Variants in DHX32 observed in about 807,000 individuals in gnomAD.
The protein encoded by DHX32 is DEAH-box helicase 32 (putative), also known as putative pre-mRNA-splicing factor ATP-dependent RNA helicase DHX32.
A neutral mutation model predicts 70.0 loss-of-function variants in DHX32; 51 were observed. The observed-to-expected ratio is 0.73, with a 90% CI of 0.58 to 0.92. The LOEUF is 0.92. DHX32 is among the 40% of genes least tolerant of loss of function. DHX32 has a pLI of 0.00. For synonymous variants in DHX32, 310 were observed against 315.3 expected (o/e 0.98, Z 0.18); for missense variants, 762 against 891.8 (o/e 0.85, Z 1.85).
Position 125,847,819 on chromosome 10 carries a change from G to A in DHX32, c.1351+4474C>T, listed in dbSNP as rs1191829012. On this transcript the variant is annotated intron_variant, in intron 6 of 10. Coordinates refer to ENST00000284690, the MANE Select transcript of DHX32 (RefSeq NM_018180.3). ...CAGGCATTAGATTCTCATAAGGAGC[G>A]GGCAGCCTAGATCCCTGGCATGTGC... Among the ~76,000 whole-genome samples the A allele has an allele frequency of 2.0e-5, 3 of 152,000 alleles. 1 individual carries two copies. The highest frequency in any genetic ancestry group is 7.3e-5 in the African/African-American group (3 of 41,358).
At chr10:125,893,749 G>T (rs1447831507) in intron 1 of DHX32, among the ~76,000 whole-genome samples, 2 of 152,218 alleles carry the variant, frequency 1.3e-5, no homozygotes, top group African/African-American at 4.8e-5. Flanking sequence ...CTCTGGTAAA[G>T]AAAACAAAAA....
chr10:125,860,743 A>G (rs994192809), intron 2 of DHX32, among the ~76,000 whole-genome samples: 1 of 144,030 alleles, frequency 6.9e-6, no homozygotes, highest in Non-Finnish European at 1.5e-5. Flanking sequence ...GCTTGAAGAA[A>G]CCAATCCCAT....
intron 1 of DHX32, among the ~76,000 whole-genome samples, chr10:125,891,698 C>A (rs1469875743): frequency 4.6e-5 from 7 of 152,046 alleles, no homozygotes; most frequent in African/African-American, 1.7e-4. Context: ...CTGTGTTGTG[C>A]GTTCTACGGT....
intron 6 of DHX32, chr10:125,842,797 T>C: frequency 4.2e-6 from 4 of 951,088 alleles, no homozygotes; most frequent in Non-Finnish European, 3.8e-6. Context: ...GAAATAAAGA[T>C]AGCAAGCTGA....
rs1470958128 is a variant in DHX32, at chr10:125,866,671, T to A, written c.476+319A>T. ...ACACAGTGTGCTCCAGGTGTCCATG[T>A]GGCTTGCACACAGGCAATGATGTGG... is the stretch of plus-strand genomic sequence containing the variant. On this transcript the variant is annotated intron_variant, in intron 2 of 10. Coordinates refer to ENST00000284690, the MANE Select transcript of DHX32 (RefSeq NM_018180.3). The surrounding 1 kb of genome is among the most constrained non-coding windows in gnomAD (Gnocchi z 4.8). Among the ~76,000 whole-genome samples, 2 of 152,228 alleles carry A rather than the reference T, an allele frequency of 1.3e-5. No individual in the cohort carries two copies. Among genetic ancestry groups the A allele is most frequent in the Non-Finnish European group, 2.9e-5 (2 of 68,026 alleles).
intron 1 of DHX32, among the ~76,000 whole-genome samples, chr10:125,873,539 C>G (rs1944267865): frequency 6.6e-6 from 1 of 152,156 alleles, no homozygotes; most frequent in Non-Finnish European, 1.5e-5. Flanking sequence ...AAAACAGAAT[C>G]TACAAGTTTA....
At chr10:125,852,154 G>A in intron 6 of DHX32, 139 bp downstream of exon 6, 1 of 1,064,068 alleles carries the variant, frequency 9.4e-7, no homozygotes, top group South Asian at 1.7e-5. Flanking sequence ...ACCTCTAGCA[G>A]GAAAATGCTT....
intron 1 of DHX32, 37 bp from the exon 2 acceptor site, chr10:125,867,220 C>T: frequency 1.3e-6 from 2 of 1,526,652 alleles, no homozygotes; most frequent in Non-Finnish European, 8.9e-7. Context: ...TCAGCTTCTG[C>T]TGAAAACAAA....
intron 1 of DHX32, chr10:125,896,149 C>A: frequency 1.8e-5 from 3 of 163,910 alleles, no homozygotes; most frequent in Non-Finnish European, 3.9e-5. Flanking sequence ...GGGCCGCCCA[C>A]CCGGCTCGGG....
At chr10:125,875,200 C>T (rs562166655) in intron 1 of DHX32, among the ~76,000 whole-genome samples, 7 of 151,886 alleles carry the variant, frequency 4.6e-5, no homozygotes, top group African/African-American at 9.7e-5. Flanking sequence ...GCCTGGGTGA[C>T]AGAATGAAAC....
upstream of DHX32, among the ~76,000 whole-genome samples, chr10:125,883,364 A>G (rs1473103766): frequency 3.9e-5 from 6 of 152,160 alleles, no homozygotes; most frequent in African/African-American, 4.8e-5. Flanking sequence ...CAGTGTCACT[A>G]TGACTAAAAT....
chr10:125,861,064 G>GT (rs1243197414), intron 2 of DHX32, among the ~76,000 whole-genome samples: 2 of 151,980 alleles, frequency 1.3e-5, no homozygotes, highest in East Asian at 3.9e-4. Context: ...AATCCCATAT[G>GT]TTTTTTACCC....
intron 4 of DHX32, chr10:125,853,613 A>G (rs1944119512): frequency 4.4e-6 from 1 of 228,120 alleles, no homozygotes; most frequent in South Asian, 1.2e-4. Context: ...TCATAAGAAG[A>G]GATCAGTTTA....
chr10:125,881,676 C>T (rs1354473575), upstream of DHX32, among the ~76,000 whole-genome samples: 3 of 152,076 alleles, frequency 2.0e-5, no homozygotes, highest in South Asian at 2.1e-4. Flanking sequence ...GACAGGGTCT[C>T]GCTCTGTCAC....
intron 7 of DHX32, 193 bp from the exon 8 acceptor site, chr10:125,841,189 G>GTT (rs2134026620): frequency 7.1e-7 from 1 of 1,406,066 alleles, no homozygotes; most frequent in Non-Finnish European, 1.0e-6. Flanking sequence ...CTCTCCTTTT[G>GTT]TGTGTGTGTG....
intron 3 of DHX32, among the ~76,000 whole-genome samples, chr10:125,855,878 T>C (rs1174731698): frequency 2.0e-5 from 3 of 152,248 alleles, no homozygotes; most frequent in Non-Finnish European, 4.4e-5. Context: ...AGGTGAATTC[T>C]TCGGTCTAAT....
intron 6 of DHX32, among the ~76,000 whole-genome samples, chr10:125,843,088 G>A (rs983286133): frequency 6.6e-6 from 1 of 151,974 alleles, no homozygotes; most frequent in Non-Finnish European, 1.5e-5. Flanking sequence ...AGCAATACAG[G>A]TCACACAATG....
chr10:125,851,884 G>C (rs1944093683), intron 6 of DHX32, among the ~76,000 whole-genome samples: 1 of 133,068 alleles, frequency 7.5e-6, no homozygotes, highest in African/African-American at 2.9e-5. Flanking sequence ...TCACGCCACT[G>C]TACTCCAGTT....
intron 4 of DHX32, 66 bp from the exon 5 acceptor site, chr10:125,852,708 G>C (rs924067428): frequency 1.2e-5 from 17 of 1,409,440 alleles, no homozygotes; most frequent in Non-Finnish European, 1.6e-5. Flanking sequence ...CACTGATCCT[G>C]AAGAGAATAT....
Sources: gnomAD v4.1 joint callset for allele counts (sites outside exome capture counted in the v4.1 genomes callset) on GRCh38, gnomAD v4.1.1 for gene constraint, Gnocchi (gnomAD v3.1) non-coding constraint, MANE v1.5 for transcripts, NCBI Gene and HGNC (gene_info 2026-07-23, HGNC 2026-07-21) for gene names.